Variants in ADAMTS12 observed in about 807,000 individuals in gnomAD.
The protein encoded by ADAMTS12 is A disintegrin and metalloproteinase with thrombospondin motifs 12.
In ADAMTS12, 118 loss-of-function variants were observed where a neutral mutation model predicts 167.8. That is an observed-to-expected ratio of 0.70 (90% confidence interval 0.61 to 0.82). The LOEUF (loss-of-function observed/expected upper bound fraction) is 0.82. ADAMTS12 is among the 40% of genes least tolerant of loss of function. The pLI is 0.00. For missense variants in ADAMTS12, 1,916 were observed against 1,998.8 expected, an observed-to-expected ratio of 0.96 and a Z score of 0.79; for synonymous variants, 704 against 716.9, an observed-to-expected ratio of 0.98 and a Z score of 0.29.
intron 16 of ADAMTS12, among the ~76,000 whole-genome samples, chr5:33,600,444 C>A (rs1738132512): frequency 6.6e-6 from 1 of 152,050 alleles, no homozygotes; most frequent in East Asian, 1.9e-4. Flanking sequence ...ATTGTAAAAT[C>A]AAGGGAGTTT....
rs530104912 is a variant in ADAMTS12, at chr5:33,712,685, T to C, written c.635-28630A>G. The stretch of plus-strand genomic sequence containing the variant: ...ACATAGGTGAGAAGCTGTGATGATC[T>C]ACATAACAAACTGGCAAAGATGAAC... On this transcript the variant is annotated intron_variant, in intron 3 of 23. Transcript: ENST00000504830. Among the ~76,000 whole-genome samples, 4 of 152,270 alleles carry C rather than the reference T, an allele frequency of 2.6e-5. No individual in the cohort carries two copies. In the East Asian group the frequency reaches 7.7e-4, roughly 29 times the overall value.
rs1424886735 is a variant in ADAMTS12 at position 33,634,356 on chromosome 5, AC to A, written c.1888+3220del. Among the ~76,000 whole-genome samples, 5 of 152,070 alleles carry A rather than the reference AC, an allele frequency of 3.3e-5. No individual in the cohort carries two copies. The East Asian group carries it at 9.6e-4, about 29-fold the overall frequency. On this transcript the variant is annotated intron_variant, in intron 12 of 23. Transcript: ENST00000504830. ...CAATTCTTAAACATTTTACCTTTGA[AC>A]TTGTGTTCGGTAAGGGAAGGCCAAA...
At chr5:33,696,420 CAA>C (rs71600922) in intron 3 of ADAMTS12, among the ~76,000 whole-genome samples, 5 of 129,954 alleles carry the variant, frequency 3.8e-5, no homozygotes, top group Admixed American at 1.6e-4. Flanking sequence ...GACTCCGTCT[CAA>C]AAAAAAAAAA....
chr5:33,860,871 C>T (rs1410448844), intron 2 of ADAMTS12, among the ~76,000 whole-genome samples: 3 of 151,980 alleles, frequency 2.0e-5, no homozygotes, highest in Non-Finnish European at 4.4e-5. Context: ...GAGTGGGGGC[C>T]GATATTCAAC....
At chr5:33,647,141 G>A (rs1740698656) in intron 9 of ADAMTS12, among the ~76,000 whole-genome samples, 1 of 152,170 alleles carries the variant, frequency 6.6e-6, no homozygotes, top group South Asian at 2.1e-4. Context: ...GCAGATTAGA[G>A]AGTGAAGGGC....
At chr5:33,755,324 T>A (rs1386277981) in intron 2 of ADAMTS12, among the ~76,000 whole-genome samples, 1 of 152,128 alleles carries the variant, frequency 6.6e-6, no homozygotes, top group Middle Eastern at 3.2e-3. Flanking sequence ...CAAGCCCAGA[T>A]GGTAGGGATA....
chr5:33,834,957 A>C (rs2591720), intron 2 of ADAMTS12, among the ~76,000 whole-genome samples: 21,854 of 152,186 alleles, frequency 0.14, 2,874 homozygotes, highest in East Asian at 0.39. Flanking sequence ...AGCAGGAAAG[A>C]AGCAGGAAAC....
At chr5:33,721,037 T>C (rs1422756203) in intron 3 of ADAMTS12, among the ~76,000 whole-genome samples, 1 of 152,218 alleles carries the variant, frequency 6.6e-6, no homozygotes, top group East Asian at 1.9e-4. Flanking sequence ...TGGAATTCTG[T>C]ACAGCAAAGA....
chr5:33,627,984 G>A (rs772052654), intron 13 of ADAMTS12, among the ~76,000 whole-genome samples: 1 of 152,128 alleles, frequency 6.6e-6, no homozygotes, highest in Non-Finnish European at 1.5e-5. Context: ...ATTTTAAGGA[G>A]TGCACAGTAG....
intron 2 of ADAMTS12, among the ~76,000 whole-genome samples, chr5:33,752,152 T>A (rs1206485156): frequency 6.6e-6 from 1 of 152,200 alleles, no homozygotes; most frequent in South Asian, 2.1e-4. Flanking sequence ...ATTTCACAGA[T>A]ATGAAAATCA....
Position 33,615,954 on chromosome 5 carries a change from A to C in ADAMTS12, c.2262T>G (p.Asn754Lys). 6.2e-7 allele frequency: 1 copy of C among 1,614,068 alleles called. No homozygotes were observed. The highest frequency in any genetic ancestry group is 8.5e-7 in the Non-Finnish European group (1 of 1,179,996). Residue 754 changes from asparagine to lysine, a missense_variant, in exon 15 of 24, where the codon AAT becomes AAG. Transcript: ENST00000504830. ...CGTTCCACTGGATAATAAACCCTCC[A>C]TTCAGGTAATATTTTTCAGGATCTT... ...RSEDPEKYYL[N>K]GGFIIQWNGN... is the part of the protein sequence containing the mutation.
intron 2 of ADAMTS12, among the ~76,000 whole-genome samples, chr5:33,879,645 C>T (rs1364232271): frequency 1.3e-5 from 2 of 152,100 alleles, no homozygotes; most frequent in South Asian, 2.1e-4. Flanking sequence ...TAGGAGGAAA[C>T]GATAAACACC....
At chr5:33,597,902 G>GA (rs1737984588) in intron 16 of ADAMTS12, among the ~76,000 whole-genome samples, 1 of 152,118 alleles carries the variant, frequency 6.6e-6, no homozygotes, top group Admixed American at 6.5e-5. Context: ...GTCAAAACAT[G>GA]AAAAGGACCG....
At chr5:33,572,141 G>A (rs1405740276) in intron 19 of ADAMTS12, among the ~76,000 whole-genome samples, 2 of 152,074 alleles carry the variant, frequency 1.3e-5, no homozygotes, top group African/African-American at 4.8e-5. Flanking sequence ...AGGACCAGAT[G>A]GATTCACAGC....
chr5:33,760,263 G>T (rs182301006), intron 2 of ADAMTS12, among the ~76,000 whole-genome samples: 1 of 151,706 alleles, frequency 6.6e-6, no homozygotes, highest in African/African-American at 2.4e-5. Context: ...ATCATCAAAA[G>T]AAGTTCTAAC....
intron 16 of ADAMTS12, among the ~76,000 whole-genome samples, chr5:33,605,980 C>A (rs1289618867): frequency 6.6e-6 from 1 of 152,106 alleles, no homozygotes; most frequent in Non-Finnish European, 1.5e-5. Context: ...TGGAGTCTCA[C>A]TCTGTTGCCC....
At chr5:33,832,285 G>A (rs757313234) in intron 2 of ADAMTS12, among the ~76,000 whole-genome samples, 14 of 152,150 alleles carry the variant, frequency 9.2e-5, no homozygotes, top group South Asian at 2.1e-4. Flanking sequence ...GAGATTCATC[G>A]AAGTCCACAA....
Position 33,577,048 on chromosome 5 carries a change from AG to A in ADAMTS12, c.2977del (p.Leu993SerfsTer11). 6.2e-7 allele frequency: 1 copy of A among 1,614,192 alleles called. No homozygotes were observed. Among genetic ancestry groups the A allele is most frequent in the Non-Finnish European group, 8.5e-7 (1 of 1,180,028 alleles). On this transcript the variant is annotated frameshift_variant, in exon 19 of 24. Coordinates refer to ENST00000504830, the MANE Select transcript of ADAMTS12 (RefSeq NM_030955.4). LOFTEE classifies it high-confidence loss of function. ...RKPNSRALCG[L>X]QQCPSSRRVL... ...TCTCCGGCTAGAAGGGCATTGCTGG[AG>A]GCCACACAGAGCTCGGCTGTTGGGT...
chr5:33,812,853 G>A (rs75158920), intron 2 of ADAMTS12, among the ~76,000 whole-genome samples: 21,424 of 151,884 alleles, frequency 0.14, 1,929 homozygotes, highest in South Asian at 0.37. Flanking sequence ...TACTTTTGTC[G>A]CACATATATG....
Sources: gnomAD v4.1 joint callset for allele counts (sites outside exome capture counted in the v4.1 genomes callset) on GRCh38, gnomAD v4.1.1 for gene constraint, MANE v1.5 for transcripts, NCBI Gene and HGNC (gene_info 2026-07-23, HGNC 2026-07-21) for gene names.